The following CALN1 variants were observed in gnomAD, a reference collection of about 807,000 sequenced individuals.
CALN1 encodes calneuron 1.
Under a neutral mutation model 30.6 loss-of-function variants are expected in CALN1, and 17 were observed. The observed-to-expected ratio is 0.56, with a 90% confidence interval of 0.38 to 0.83. The LOEUF is 0.83. Ranked by LOEUF, CALN1 falls within the 40% of genes least tolerant of loss-of-function variation. The probability of loss-of-function intolerance (pLI) is 0.00; values close to 1 mark genes in which losing one functional copy is unlikely to be tolerated. For missense variants in CALN1, 291 were observed against 354.9 expected, an observed-to-expected ratio of 0.82 and a Z score of 1.45; for synonymous variants, 156 against 131.4, an observed-to-expected ratio of 1.19 and a Z score of -1.28.
At chr7:72,348,966 T>C (rs1329251781) in intron 2 of CALN1, among the ~76,000 whole-genome samples, 2 of 152,124 alleles carry the variant, frequency 1.3e-5, no homozygotes, top group African/African-American at 4.8e-5. Flanking sequence ...GAGCAGCTAT[T>C]AGGATGTTCA....
At chr7:72,032,551 C>G (rs952380822) in intron 4 of CALN1, among the ~76,000 whole-genome samples, 1 of 152,164 alleles carries the variant, frequency 6.6e-6, no homozygotes, top group Non-Finnish European at 1.5e-5. Flanking sequence ...GACCCCAGCC[C>G]TTGGTCCTGG....
At chr7:72,161,970 C>G (rs377344435) in intron 3 of CALN1, among the ~76,000 whole-genome samples, 1 of 151,038 alleles carries the variant, frequency 6.6e-6, no homozygotes, top group East Asian at 1.9e-4. Context: ...GTCATGGAGG[C>G]AAATCTAGGA....
At chr7:71,795,282 AGTGCTG>A (rs1425621817) in intron 6 of CALN1, among the ~76,000 whole-genome samples, 1 of 151,996 alleles carries the variant, frequency 6.6e-6, no homozygotes, top group Non-Finnish European at 1.5e-5. Context: ...GGCCTCCCAA[AGTGCTG>A]GGATTATAGA....
chr7:71,893,160 C>T (rs1359664862), intron 5 of CALN1, among the ~76,000 whole-genome samples: 1 of 152,070 alleles, frequency 6.6e-6, no homozygotes, highest in South Asian at 2.1e-4. Flanking sequence ...GATCCTGCAC[C>T]CTCAGGGGAC....
chr7:72,006,488 T>G (rs1396328413), intron 5 of CALN1, among the ~76,000 whole-genome samples: 2 of 152,178 alleles, frequency 1.3e-5, no homozygotes, highest in African/African-American at 4.8e-5. Flanking sequence ...TAAACCACTC[T>G]ATTAAAAGAC....
At chr7:72,167,001 T>G (rs1305146973) in intron 3 of CALN1, among the ~76,000 whole-genome samples, 1 of 151,326 alleles carries the variant, frequency 6.6e-6, no homozygotes, top group South Asian at 2.1e-4. Context: ...GCCACTGCAC[T>G]CCAGCCTGGG....
At chr7:72,411,819 C>G (rs1419736113) in intron 1 of CALN1, among the ~76,000 whole-genome samples, 1 of 152,142 alleles carries the variant, frequency 6.6e-6, no homozygotes, top group Non-Finnish European at 1.5e-5. Flanking sequence ...AGAAAAGAAC[C>G]AAACAATTGT....
At chr7:72,033,045 T>C (rs1043622873) in intron 4 of CALN1, among the ~76,000 whole-genome samples, 2 of 152,232 alleles carry the variant, frequency 1.3e-5, no homozygotes, top group African/African-American at 4.8e-5. Flanking sequence ...GAAGAAAGAA[T>C]GTAATTCACT....
At chr7:71,968,739 A>C (rs959700897) in intron 5 of CALN1, among the ~76,000 whole-genome samples, 1 of 150,304 alleles carries the variant, frequency 6.7e-6, no homozygotes, top group Non-Finnish European at 1.5e-5. Context: ...TGAGTGCATA[A>C]GTTTTATCAA....
chr7:71,880,840 G>A (rs920658184), intron 5 of CALN1, among the ~76,000 whole-genome samples: 6 of 151,964 alleles, frequency 3.9e-5, no homozygotes, highest in South Asian at 2.1e-4. Context: ...ACTTTTCCTC[G>A]CATTCCTTCC....
intron 3 of CALN1, among the ~76,000 whole-genome samples, chr7:72,219,114 A>G (rs1793072909): frequency 6.6e-6 from 1 of 152,194 alleles, no homozygotes; most frequent in South Asian, 2.1e-4. Context: ...GCACTCAGCC[A>G]TTCTATTTCT....
chr7:72,309,249 C>A (rs1363756974), intron 2 of CALN1, among the ~76,000 whole-genome samples: 1 of 152,178 alleles, frequency 6.6e-6, no homozygotes, highest in African/African-American at 2.4e-5. Context: ...TAAAGGCATT[C>A]ATTTATCCTA....
chr7:72,304,593 G>T (rs1685996546), intron 2 of CALN1, among the ~76,000 whole-genome samples: 1 of 152,146 alleles, frequency 6.6e-6, no homozygotes, highest in African/African-American at 2.4e-5. Context: ...CTGACATGGG[G>T]GGGGTATAGC....
At chr7:72,263,284 T>C (rs372826411) in intron 3 of CALN1, among the ~76,000 whole-genome samples, 1 of 152,238 alleles carries the variant, frequency 6.6e-6, no homozygotes, top group South Asian at 2.1e-4. Flanking sequence ...ATTATCCCTA[T>C]AAAGTATATA....
intron 2 of CALN1, among the ~76,000 whole-genome samples, chr7:72,380,351 G>A (rs1804812204): frequency 6.6e-6 from 1 of 152,306 alleles, no homozygotes; most frequent in South Asian, 2.1e-4. Context: ...AGAAACAGAG[G>A]TAGGCTGGGT....
intron 4 of CALN1, among the ~76,000 whole-genome samples, chr7:72,062,511 C>CAAAAAAAAA (rs376093442): frequency 1.3e-4 from 8 of 59,298 alleles, no homozygotes; most frequent in Admixed American, 1.9e-4. Flanking sequence ...GACTCTATCT[C>CAAAAAAAAA]AAAAAAAAAA....
chr7:72,391,552 G>A lies in CALN1; in HGVS notation c.119+11699C>T, dbSNP rs537971445. On this transcript the variant is annotated intron_variant, in intron 2 of 6. Transcript: ENST00000395275. Reference sequence around the variant, plus strand: ...TATGTCCCCACCCAAATCTCATCTTGAATTGTAGCTCCCATAATTCCCACA... The same window carrying A: ...TATGTCCCCACCCAAATCTCATCTTAAATTGTAGCTCCCATAATTCCCACA... 4.6e-5 allele frequency among the ~76,000 whole-genome samples: 7 copies of A among 152,242 alleles called. No homozygotes were observed. The South Asian group carries it at 1.0e-3, about 23-fold the overall frequency.
intron 1 of CALN1, among the ~76,000 whole-genome samples, chr7:72,435,302 G>T (rs1264309234): frequency 6.6e-6 from 1 of 151,948 alleles, no homozygotes; most frequent in Non-Finnish European, 1.5e-5. Flanking sequence ...GGAACGAGAA[G>T]GGGGAAGAGA....
intron 2 of CALN1, among the ~76,000 whole-genome samples, chr7:72,399,270 CTTTTTT>C (rs5884888): frequency 2.8e-5 from 3 of 106,778 alleles, no homozygotes; most frequent in Non-Finnish European, 3.5e-5. Context: ...TAACCTATTG[CTTTTTT>C]TTTTTTTTTT....
Sources: gnomAD v4.1 joint callset for allele counts (sites outside exome capture counted in the v4.1 genomes callset) on GRCh38, gnomAD v4.1.1 for gene constraint, MANE v1.5 for transcripts, NCBI Gene and HGNC (gene_info 2026-07-23, HGNC 2026-07-21) for gene names.